RAD51B: variants seen among roughly 807,000 people sequenced by gnomAD.
The protein encoded by RAD51B is RAD51 paralog B.
RAD51B carries 38 observed loss-of-function variants against 42.2 expected under a neutral mutation model. That is an observed-to-expected ratio of 0.90 (90% CI 0.70 to 1.18). The LOEUF (loss-of-function observed/expected upper bound fraction) is 1.18, where lower values mean the gene tolerates loss of function less well. RAD51B is among the 50% of genes most tolerant of loss of function. RAD51B has a pLI of 0.00. For missense variants in RAD51B, 373 were observed against 400.7 expected (o/e 0.93, Z 0.59); for synonymous variants, 154 against 145.2 (o/e 1.06, Z -0.43).
chr14:68,555,546 C>T (rs1183948969), intron 10 of RAD51B, among the ~76,000 whole-genome samples: 1 of 152,178 alleles, frequency 6.6e-6, no homozygotes, highest in Non-Finnish European at 1.5e-5. Flanking sequence ...ACAGTCTCCC[C>T]TCTTCCACCT....
chr14:68,357,328 A>T (rs1290678303), intron 8 of RAD51B, among the ~76,000 whole-genome samples: 1 of 152,182 alleles, frequency 6.6e-6, no homozygotes, highest in African/African-American at 2.4e-5. Context: ...TCCATTTCTA[A>T]TTCTAATTCT....
At chr14:68,245,375 C>T (rs1243872439) in intron 7 of RAD51B, among the ~76,000 whole-genome samples, 7 of 152,116 alleles carry the variant, frequency 4.6e-5, no homozygotes, top group Non-Finnish European at 1.0e-4. Context: ...TGCCTTATGT[C>T]GGGGCCCTGG....
intron 7 of RAD51B, among the ~76,000 whole-genome samples, chr14:68,221,138 T>G (rs1318222952): frequency 6.6e-6 from 1 of 151,986 alleles, no homozygotes; most frequent in Non-Finnish European, 1.5e-5. Context: ...CCTCTGCAAA[T>G]TAAATGCAAT....
intron 7 of RAD51B, among the ~76,000 whole-genome samples, chr14:68,155,767 T>G (rs1486354689): frequency 6.6e-6 from 1 of 152,226 alleles, no homozygotes; most frequent in Non-Finnish European, 1.5e-5. Flanking sequence ...TAAAGAGCAG[T>G]AGCTAGAATG....
intron 10 of RAD51B, among the ~76,000 whole-genome samples, chr14:68,553,738 T>G (rs959154464): frequency 1.4e-4 from 21 of 148,756 alleles, no homozygotes; most frequent in Non-Finnish European, 2.2e-4. Flanking sequence ...AGGGTGGGGA[T>G]AGTAGGATCA....
chr14:68,653,695 A>G (rs1404988316), intron 11 of RAD51B, among the ~76,000 whole-genome samples: 3 of 152,228 alleles, frequency 2.0e-5, no homozygotes, highest in Non-Finnish European at 4.4e-5. Context: ...GTCTGATGAG[A>G]TAGATAGATA....
chr14:67,869,623 A>G (rs1200065611), intron 5 of RAD51B, among the ~76,000 whole-genome samples: 1 of 152,158 alleles, frequency 6.6e-6, no homozygotes, highest in Non-Finnish European at 1.5e-5. Flanking sequence ...CAACTCCAAG[A>G]CACATAATTG....
chr14:67,954,745 A>G (rs1448031803), intron 7 of RAD51B, among the ~76,000 whole-genome samples: 1 of 152,188 alleles, frequency 6.6e-6, no homozygotes, highest in Non-Finnish European at 1.5e-5. Context: ...TCAAGGGAAG[A>G]CTTTTTTCTT....
chr14:68,101,065 A>G (rs573640111), intron 7 of RAD51B, among the ~76,000 whole-genome samples: 1 of 152,306 alleles, frequency 6.6e-6, no homozygotes, highest in South Asian at 2.1e-4. Flanking sequence ...TAAATGGGGA[A>G]AAGCCCCTTA....
chr14:68,336,986 GA>G (rs1378578082), intron 8 of RAD51B, among the ~76,000 whole-genome samples: 1 of 152,140 alleles, frequency 6.6e-6, no homozygotes, highest in African/African-American at 2.4e-5. Context: ...ATCTACCTCA[GA>G]AAAGTTCCAT....
chr14:68,392,046 G>T (rs1296122822), intron 8 of RAD51B, among the ~76,000 whole-genome samples: 2 of 152,190 alleles, frequency 1.3e-5, no homozygotes, highest in Non-Finnish European at 2.9e-5. Flanking sequence ...TCAGAGAGAT[G>T]AAATACTACA....
chr14:68,447,148 G>A (rs539931101), intron 9 of RAD51B, among the ~76,000 whole-genome samples: 1 of 152,192 alleles, frequency 6.6e-6, no homozygotes, highest in Non-Finnish European at 1.5e-5. Flanking sequence ...GACCCAGGAG[G>A]CAGAGGTTGT....
At chr14:68,356,970 G>A (rs2082921391) in intron 8 of RAD51B, among the ~76,000 whole-genome samples, 4 of 118,236 alleles carry the variant, frequency 3.4e-5, no homozygotes, top group Admixed American at 2.0e-4. Context: ...GCGACAGAGC[G>A]AGACTCCGTC....
At chr14:68,515,197 G>A (rs1283324179) in intron 10 of RAD51B, among the ~76,000 whole-genome samples, 1 of 151,886 alleles carries the variant, frequency 6.6e-6, no homozygotes, top group African/African-American at 2.4e-5. Flanking sequence ...TAATTTTGGG[G>A]GTATTTTCTA....
chr14:68,046,913 A>G (rs1046437464), intron 7 of RAD51B, among the ~76,000 whole-genome samples: 6 of 151,994 alleles, frequency 3.9e-5, no homozygotes, highest in Non-Finnish European at 8.8e-5. Context: ...TATATTTTTA[A>G]AAATGATTGT....
At chr14:68,326,586 A>G (rs2082256972) in intron 8 of RAD51B, among the ~76,000 whole-genome samples, 1 of 152,230 alleles carries the variant, frequency 6.6e-6, no homozygotes, top group African/African-American at 2.4e-5. Context: ...CAGAGAACTA[A>G]AGGCTTTTGA....
chr14:68,462,184 C>G (rs2085862423), intron 9 of RAD51B, among the ~76,000 whole-genome samples: 1 of 152,162 alleles, frequency 6.6e-6, no homozygotes, highest in African/African-American at 2.4e-5. Flanking sequence ...ATCTGCCTGG[C>G]CCAGAGTGTG....
chr14:67,834,361 G>C (rs968106459), intron 3 of RAD51B, among the ~76,000 whole-genome samples: 11 of 120,722 alleles, frequency 9.1e-5, no homozygotes, highest in East Asian at 8.5e-4. Flanking sequence ...TCACAGACAG[G>C]TTCTGGAGAT....
Position 67,887,140 on chromosome 14 carries a change from G to A in RAD51B, c.692G>A (p.Arg231Lys). The A allele has an allele frequency of 6.2e-7, 1 of 1,612,150 alleles. No homozygotes were observed. ...DAQLQGNLKE[R>K]NKFLAREASS... ...CAACTTCAAGGCAATCTCAAAGAAA[G>A]AAACAAGTTCTTGGCAAGAGAGGCA... is the stretch of plus-strand genomic sequence containing the variant. The change falls in exon 7 of 11, where the codon AGA becomes AAA. Residue 231 changes from arginine (R) to lysine (K), a missense_variant. By Grantham distance (26) the Arg-to-Lys change is conservative. Transcript: ENST00000471583.
Sources: allele counts gnomAD v4.1 joint callset (sites outside exome capture counted in the v4.1 genomes callset), GRCh38; gene constraint gnomAD v4.1.1; transcripts MANE v1.5; gene names NCBI Gene and HGNC (gene_info 2026-07-23, HGNC 2026-07-21).